TMEM132D: variants seen among roughly 807,000 people sequenced by gnomAD.
TMEM132D encodes the protein transmembrane protein 132D, also known as mature OL transmembrane protein.
TMEM132D carries 21 observed loss-of-function variants against 62.3 expected under a neutral mutation model. The observed-to-expected ratio is 0.34, with a 90% confidence interval of 0.24 to 0.49. The LOEUF is 0.49. Among genes scored for constraint, TMEM132D ranks in the 20% least tolerant of loss-of-function variants. The pLI is 0.99. For missense variants in TMEM132D, 1,346 were observed against 1,402.8 expected, an observed-to-expected ratio of 0.96 and a Z score of 0.65; for synonymous variants, 621 against 575.6, an observed-to-expected ratio of 1.08 and a Z score of -1.13.
chr12:129,830,208 G>T (rs73160256), intron 1 of TMEM132D, among the ~76,000 whole-genome samples: 10,849 of 152,178 alleles, frequency 0.071, 428 homozygotes, highest in East Asian at 0.11. Context: ...ACAAACATAT[G>T]TGATACACAC....
chr12:129,841,717 C>A (rs1372796328), intron 1 of TMEM132D, among the ~76,000 whole-genome samples: 1 of 152,124 alleles, frequency 6.6e-6, no homozygotes, highest in Non-Finnish European at 1.5e-5. Context: ...TGCGTCACTG[C>A]TAAAATATTA....
chr12:129,526,333 G>A (rs1387268332), intron 3 of TMEM132D, among the ~76,000 whole-genome samples: 1 of 152,092 alleles, frequency 6.6e-6, no homozygotes, highest in Non-Finnish European at 1.5e-5. Context: ...CTCCCAGGCT[G>A]GAGTGCAATG....
At chr12:129,090,063 G>A (rs1874858062) in intron 5 of TMEM132D, among the ~76,000 whole-genome samples, 1 of 152,242 alleles carries the variant, frequency 6.6e-6, no homozygotes, top group Admixed American at 6.5e-5. Flanking sequence ...CGATGAGGCA[G>A]TCAATGTATG....
chr12:129,485,556 T>C (rs1470221960), intron 3 of TMEM132D, among the ~76,000 whole-genome samples: 1 of 152,172 alleles, frequency 6.6e-6, no homozygotes, highest in Non-Finnish European at 1.5e-5. Context: ...CCCTCTTTCC[T>C]GGGTCCACCC....
At chr12:129,562,571 GA>G (rs932637739) in intron 2 of TMEM132D, among the ~76,000 whole-genome samples, 1 of 152,146 alleles carries the variant, frequency 6.6e-6, no homozygotes, top group African/African-American at 2.4e-5. Context: ...AAGATCTAGA[GA>G]TCTGGCATTT....
At chr12:129,539,650 G>T (rs1189419259) in intron 2 of TMEM132D, among the ~76,000 whole-genome samples, 1 of 151,186 alleles carries the variant, frequency 6.6e-6, no homozygotes, top group Admixed American at 6.6e-5. Flanking sequence ...GGGCTCAAGT[G>T]ATCTGCCTGC....
chr12:129,526,680 T>G lies in TMEM132D; in HGVS notation c.1115+4379A>C, dbSNP rs180770611. Among the ~76,000 whole-genome samples the G allele has an allele frequency of 1.4e-3, 213 of 152,338 alleles. 1 individual carries two copies. The highest frequency in any genetic ancestry group is 2.4e-3 in the Non-Finnish European group (165 of 68,032). On this transcript the variant is annotated intron_variant, in intron 3 of 8. Transcript: ENST00000422113. ...TGTTTTGAAGTATGGTTTGGTCATG[T>G]GATTAAGTTCTTATCAGTGAGATGC...
intron 3 of TMEM132D, among the ~76,000 whole-genome samples, chr12:129,446,343 C>T (rs1873097215): frequency 6.6e-6 from 1 of 152,114 alleles, no homozygotes; most frequent in South Asian, 2.1e-4. Flanking sequence ...TGATGTCAGG[C>T]TTTTTGCAAC....
At position 129,596,463 on chromosome 12, in the gene TMEM132D, G is replaced by A. The variant is rs140516890; in HGVS notation, c.969-65258C>T. On this transcript the variant is annotated intron_variant, in intron 2 of 8. Transcript: ENST00000422113. Reference sequence around the variant, plus strand: ...TTATATACAGTTGTCCCTTGGTATCGGTGGGGAATTGGTTCCAGCACGCCC... The same window carrying A: ...TTATATACAGTTGTCCCTTGGTATCAGTGGGGAATTGGTTCCAGCACGCCC... Among the ~76,000 whole-genome samples, 9 of 151,982 alleles carry A rather than the reference G, an allele frequency of 5.9e-5. No homozygotes were observed. The East Asian group carries it at 7.7e-4, about 13-fold the overall frequency.
intron 1 of TMEM132D, among the ~76,000 whole-genome samples, chr12:129,750,011 T>C (rs1222233072): frequency 6.6e-6 from 1 of 152,168 alleles, no homozygotes; most frequent in African/African-American, 2.4e-5. Flanking sequence ...CCCCATTCCC[T>C]CTCCTGGATA....
chr12:129,369,515 G>A (rs1316954459), intron 3 of TMEM132D, among the ~76,000 whole-genome samples: 1 of 152,236 alleles, frequency 6.6e-6, no homozygotes, highest in Non-Finnish European at 1.5e-5. Flanking sequence ...GGGATATGAT[G>A]ATAGGAATTG....
chr12:129,181,298 C>A (rs1271276887), intron 5 of TMEM132D, among the ~76,000 whole-genome samples: 9 of 152,180 alleles, frequency 5.9e-5, no homozygotes, highest in Non-Finnish European at 1.2e-4. Flanking sequence ...AAGATAGATT[C>A]TATTTTCCCC....
intron 4 of TMEM132D, among the ~76,000 whole-genome samples, chr12:129,264,915 G>C (rs952640572): frequency 6.6e-6 from 1 of 152,126 alleles, no homozygotes; most frequent in Non-Finnish European, 1.5e-5. Context: ...GAACTTGGGG[G>C]TAAGAGTGAG....
intron 5 of TMEM132D, among the ~76,000 whole-genome samples, chr12:129,154,130 A>C (rs1300332215): frequency 6.6e-6 from 1 of 152,166 alleles, no homozygotes; most frequent in Non-Finnish European, 1.5e-5. Flanking sequence ...TGGTGGTCCC[A>C]CAGACCTCAT....
intron 4 of TMEM132D, among the ~76,000 whole-genome samples, chr12:129,210,726 C>A (rs999639707): frequency 6.6e-6 from 1 of 152,192 alleles, no homozygotes; most frequent in African/African-American, 2.4e-5. Flanking sequence ...AGCTTAGCTA[C>A]AACGAATGGT....
intron 5 of TMEM132D, among the ~76,000 whole-genome samples, chr12:129,198,081 G>T (rs1023163850): frequency 6.6e-6 from 1 of 151,926 alleles, no homozygotes; most frequent in Non-Finnish European, 1.5e-5. Context: ...ACCATTCCTT[G>T]GTTTTAATAT....
chr12:129,461,724 G>A (rs921697487), intron 3 of TMEM132D, among the ~76,000 whole-genome samples: 5 of 149,848 alleles, frequency 3.3e-5, no homozygotes, highest in South Asian at 2.2e-4. Flanking sequence ...TAGGTAGAGA[G>A]GTGGGTGGGT....
At chr12:129,525,738 G>A (rs574562586) in intron 3 of TMEM132D, among the ~76,000 whole-genome samples, 5 of 152,212 alleles carry the variant, frequency 3.3e-5, no homozygotes, top group Admixed American at 1.3e-4. Context: ...TCACTGCGAC[G>A]CACAGCATAA....
intron 4 of TMEM132D, among the ~76,000 whole-genome samples, chr12:129,230,022 C>A (rs868854077): frequency 2.0e-5 from 3 of 152,112 alleles, no homozygotes; most frequent in African/African-American, 7.2e-5. Flanking sequence ...TGTCTTCTGC[C>A]CACACTAATT....
Sources: gnomAD v4.1 joint callset for allele counts (sites outside exome capture counted in the v4.1 genomes callset) on GRCh38, gnomAD v4.1.1 for gene constraint, MANE v1.5 for transcripts, NCBI Gene and HGNC (gene_info 2026-07-23, HGNC 2026-07-21) for gene names.